MKX: variants seen among roughly 807,000 people sequenced by gnomAD.
The protein encoded by MKX is mohawk homeobox.
A neutral mutation model predicts 36.0 loss-of-function variants in MKX; 13 were observed. The observed-to-expected ratio is 0.36, with a 90% CI of 0.24 to 0.57. MKX has a LOEUF of 0.57. Among genes scored for constraint, MKX ranks in the 20% least tolerant of loss-of-function variants. The pLI is 0.79. For synonymous variants in MKX, 176 were observed against 178.3 expected (o/e 0.99, Z 0.10); for missense variants, 458 against 456.4 (o/e 1.00, Z -0.03).
rs777319674 is a variant in MKX at position 27,744,183 on chromosome 10, G to T, written c.-82-686C>A. On this transcript the variant is annotated intron_variant, in intron 1 of 6. Coordinates refer to ENST00000419761, the MANE Select transcript of MKX (RefSeq NM_173576.3). This position sits in a 1 kb window ranked among gnomAD's most constrained non-coding sequence, Gnocchi z 5.6. ...CACCACTTCTCCCCCTTCTCTCCCA[G>T]AATCTTCCTATCATCCCCCAACGCG... Among the ~76,000 whole-genome samples, 3 of 152,058 alleles carry T rather than the reference G, an allele frequency of 2.0e-5. No homozygotes were observed. Among genetic ancestry groups the T allele is most frequent in the Non-Finnish European group, 4.4e-5 (3 of 67,996 alleles).
At chr10:27,682,020 A>C (rs1328906580) in intron 5 of MKX, among the ~76,000 whole-genome samples, 2 of 152,194 alleles carry the variant, frequency 1.3e-5, no homozygotes, top group African/African-American at 4.8e-5. Flanking sequence ...TGACAGCTCC[A>C]TGCGTGTTAT....
chr10:27,734,321 G>T (rs144771675), intron 5 of MKX, 135 bp downstream of exon 5: 6 of 769,150 alleles, frequency 7.8e-6, no homozygotes, highest in African/African-American at 1.8e-5. Flanking sequence ...CAAAACGAAA[G>T]CTTTAAAACT....
At chr10:27,699,816 A>G (rs1836620707) in intron 5 of MKX, among the ~76,000 whole-genome samples, 1 of 152,230 alleles carries the variant, frequency 6.6e-6, no homozygotes. Context: ...TCACTTGTTA[A>G]TTTGAAACAA....
At chr10:27,707,097 G>T (rs1352517874) in intron 5 of MKX, among the ~76,000 whole-genome samples, 1 of 147,676 alleles carries the variant, frequency 6.8e-6, no homozygotes, top group East Asian at 3.0e-4. Context: ...TAATACTTTA[G>T]CATACAGCGT....
In MKX at chr10:27,711,429, C is replaced by CTCTTTCTT. The variant is rs749757379; in HGVS notation, c.838+23019_838+23026dup. ...CTTTCCTTCTTTCTTTCTTTCTTTT[C>CTCTTTCTT]TCTTTCTTTCTTTCTTTCTTTCTTT... is the stretch of plus-strand genomic sequence containing the variant. On this transcript the variant is annotated intron_variant, in intron 5 of 6. Coordinates refer to ENST00000419761, the MANE Select transcript of MKX (RefSeq NM_173576.3). Among the ~76,000 whole-genome samples the CTCTTTCTT allele has an allele frequency of 2.4e-4, 27 of 114,564 alleles. 1 individual carries two copies. Among genetic ancestry groups the CTCTTTCTT allele is most frequent in the African/African-American group, 4.2e-4 (11 of 26,190 alleles). 75.2% of individuals were successfully genotyped at this position (114,564 alleles called of 152,430 possible).
chr10:27,709,309 TAG>T (rs1244222759), intron 5 of MKX, among the ~76,000 whole-genome samples: 1 of 152,166 alleles, frequency 6.6e-6, no homozygotes, highest in Non-Finnish European at 1.5e-5. Flanking sequence ...ATAAGTGATC[TAG>T]AGATGATTTA....
chr10:27,743,716 C>A (rs569048370), intron 1 of MKX, among the ~76,000 whole-genome samples: 1 of 152,118 alleles, frequency 6.6e-6, no homozygotes, highest in African/African-American at 2.4e-5. Context: ...CTTGCCTGGG[C>A]GATCGATCCC....
chr10:27,738,820 A>G (rs1266951631), intron 3 of MKX, among the ~76,000 whole-genome samples: 2 of 152,078 alleles, frequency 1.3e-5, no homozygotes, highest in Non-Finnish European at 2.9e-5. Flanking sequence ...GAATTAACGA[A>G]CTTCTGAGCT....
rs555055606 is a variant in MKX, at chr10:27,745,729, C to A, written c.-105G>T. On this transcript the variant is annotated 5_prime_UTR_variant, in exon 1 of 7. Transcript: ENST00000419761. Reference sequence around the variant, plus strand: ...TACCTGTGGCTGCGGGGCCGACGGCCGGCTGCAGGGCGGCTGGCTCTCCCG... The same window carrying A: ...TACCTGTGGCTGCGGGGCCGACGGCAGGCTGCAGGGCGGCTGGCTCTCCCG... 1 of 152,626 alleles carries A rather than the reference C, an allele frequency of 6.6e-6. No homozygotes were observed. Among genetic ancestry groups the A allele is most frequent in the African/African-American group, 2.4e-5 (1 of 41,462 alleles). The allele number at this position is 152,626 out of a possible 1,614,324, so 9.5% of individuals were successfully genotyped here.
At chr10:27,724,528 CTG>C (rs1212925981) in intron 5 of MKX, among the ~76,000 whole-genome samples, 1 of 152,112 alleles carries the variant, frequency 6.6e-6, no homozygotes, top group Non-Finnish European at 1.5e-5. Context: ...AGACTCCAAA[CTG>C]TTAAAATTAG....
chr10:27,697,813 G>A (rs1836582098), intron 5 of MKX, among the ~76,000 whole-genome samples: 1 of 152,150 alleles, frequency 6.6e-6, no homozygotes. Context: ...AAGTATGGTG[G>A]GAACAGAGGG....
intron 5 of MKX, among the ~76,000 whole-genome samples, chr10:27,694,402 T>C (rs2637314): frequency 0.75 from 113,235 of 150,680 alleles, 43,020 homozygotes; most frequent in Admixed American, 0.81. Context: ...ATCCCCAGGC[T>C]GGGCACGGTG....
At position 27,675,113 on chromosome 10, in the gene MKX, TA is replaced by T; in HGVS notation, c.*115del. The T allele has an allele frequency of 1.1e-6, 1 of 925,010 alleles. No individual in the cohort carries two copies. Among genetic ancestry groups the T allele is most frequent in the Non-Finnish European group, 1.6e-6 (1 of 627,378 alleles). The allele number at this position is 925,010 out of a possible 1,614,324, so 57.3% of individuals were successfully genotyped here. A position where few individuals can be genotyped will look rare whatever the true frequency, so the allele number is the denominator to read the frequency against. ...AACTAAATGATATATTTGGGATAAT[TA>T]AAAATAAGAAGAGGTTTGGGAGAGA... is the stretch of plus-strand genomic sequence containing the variant. On this transcript the variant is annotated 3_prime_UTR_variant, in exon 7 of 7. Coordinates refer to ENST00000419761, the MANE Select transcript of MKX (RefSeq NM_173576.3).
At chr10:27,711,494 T>TTC (rs773287899) in intron 5 of MKX, among the ~76,000 whole-genome samples, 397 of 34,068 alleles carry the variant, frequency 0.012, 1 homozygote, top group East Asian at 0.023. Flanking sequence ...TCTCTCTCTC[T>TTC]CTTCTTTCCT....
In MKX at chr10:27,734,466, G is replaced by T; in HGVS notation, c.828C>A (p.Val276=). 1 of 1,613,952 alleles carries T rather than the reference G, an allele frequency of 6.2e-7. No individual in the cohort carries two copies. Among genetic ancestry groups the T allele is most frequent in the South Asian group, 1.1e-5 (1 of 91,046 alleles). ...AAAGCACGGACTTACCTGTGCGATA[G>T]ACAAAGTTGCCTTCAGTTTCTGATG... ...PSSSETEGNF[V]YRTDTLENGS... Residue 276 remains valine, a synonymous_variant, in exon 5 of 7, where the codon GTC becomes GTA. Transcript: ENST00000419761.
intron 5 of MKX, among the ~76,000 whole-genome samples, chr10:27,678,507 C>T (rs1374571907): frequency 6.6e-6 from 1 of 152,176 alleles, no homozygotes; most frequent in Non-Finnish European, 1.5e-5. Flanking sequence ...CAGATGAAGC[C>T]ATCTCACATA....
intron 5 of MKX, among the ~76,000 whole-genome samples, chr10:27,707,219 T>C (rs1836772205): frequency 6.8e-6 from 1 of 147,606 alleles, no homozygotes; most frequent in African/African-American, 2.4e-5. Flanking sequence ...ATGACTTTCA[T>C]CAGCTCTAGG....
chr10:27,676,374 CTTTTTCTTTTTTT>C lies in MKX; in HGVS notation c.839-833_839-821del, dbSNP rs1180411022. On this transcript the variant is annotated intron_variant, in intron 5 of 6. Transcript: ENST00000419761. ...TCATGGTTATCAAATTTTCTTTTTT[CTTTTTCTTTTTTT>C]TTTTTTTTGAGATGGAGGCTTGCTC... is the stretch of plus-strand genomic sequence containing the variant. 5.9e-4 allele frequency among the ~76,000 whole-genome samples: 83 copies of C among 141,836 alleles called. 1 individual carries two copies. Among genetic ancestry groups the C allele is most frequent in the African/African-American group, 2.1e-3 (77 of 37,348 alleles). The allele number at this position is 141,836 out of a possible 152,430, so 93.0% of individuals were successfully genotyped here.
At chr10:27,701,837 A>G (rs934422403) in intron 5 of MKX, among the ~76,000 whole-genome samples, 23 of 148,334 alleles carry the variant, frequency 1.6e-4, no homozygotes, top group Non-Finnish European at 2.2e-4. Context: ...GTATATATAT[A>G]TATATATATA....
Sources: gnomAD v4.1 joint callset for allele counts (sites outside exome capture counted in the v4.1 genomes callset) on GRCh38, gnomAD v4.1.1 for gene constraint, Gnocchi (gnomAD v3.1) non-coding constraint, MANE v1.5 for transcripts, NCBI Gene and HGNC (gene_info 2026-07-23, HGNC 2026-07-21) for gene names.